CLNK: variants seen among roughly 807,000 people sequenced by gnomAD.
CLNK encodes the protein cytokine dependent hematopoietic cell linker, also known as cytokine-dependent hematopoietic cell linker.
A neutral mutation model predicts 68.6 loss-of-function variants in CLNK; 74 were observed. That is an observed-to-expected ratio of 1.08 (90% CI 0.89 to 1.31). The LOEUF is 1.31. CLNK is among the 50% of genes most tolerant of loss of function. The pLI is 0.00. For missense variants in CLNK, 553 were observed against 515.3 expected (o/e 1.07, Z -0.71); for synonymous variants, 198 against 172.2 (o/e 1.15, Z -1.17).
In CLNK at chr4:10,520,822, G is replaced by T; in HGVS notation, c.741C>A (p.Phe247Leu). The change falls in exon 15 of 19, where the codon TTC (phenylalanine) becomes TTA (leucine). Residue 247 changes from phenylalanine (F) to leucine (L), a missense_variant. Coordinates refer to ENST00000226951, the MANE Select transcript of CLNK (RefSeq NM_052964.4). The part of the protein sequence containing the change: ...EIPLAISSSS[F>L]TTSNHSVQNR... ...TTTGCACACTGTGGTTGCTTGTCGT[G>T]AATGAAGAACTATAAGAAAATATGT... 6.2e-7 allele frequency: 1 copy of T among 1,605,122 alleles called. No individual in the cohort carries two copies.
upstream of CLNK, among the ~76,000 whole-genome samples, chr4:10,688,580 A>G (rs1430553082): frequency 6.6e-6 from 1 of 152,152 alleles, no homozygotes; most frequent in Non-Finnish European, 1.5e-5. Context: ...CTAATTGGAT[A>G]AATGTAGATG....
intron 4 of CLNK, among the ~76,000 whole-genome samples, chr4:10,581,616 T>C (rs1008412337): frequency 1.3e-5 from 2 of 151,866 alleles, no homozygotes; most frequent in Non-Finnish European, 2.9e-5. Flanking sequence ...TAAAATATAG[T>C]AATACAATCT....
intron 2 of CLNK, among the ~76,000 whole-genome samples, chr4:10,651,351 T>C (rs1365778431): frequency 1.3e-5 from 2 of 152,170 alleles, no homozygotes; most frequent in Non-Finnish European, 2.9e-5. Flanking sequence ...ATACATACCA[T>C]GGAATACTGT....
intron 2 of CLNK, among the ~76,000 whole-genome samples, chr4:10,606,178 T>G (rs1430577825): frequency 6.6e-6 from 1 of 152,248 alleles, no homozygotes; most frequent in East Asian, 1.9e-4. Flanking sequence ...TGTAAACATT[T>G]AATTTTAAAC....
chr4:10,660,742 C>T lies in CLNK; in HGVS notation c.11+7117G>A, dbSNP rs369441704. On this transcript the variant is annotated intron_variant, in intron 2 of 18. Coordinates refer to ENST00000226951, the MANE Select transcript of CLNK (RefSeq NM_052964.4). ...TAAGAGAGAGAGAAGACTATCTTGA[C>T]ATCCTCTATTCCCTCATCACCGACC... Among the ~76,000 whole-genome samples, 98 of 152,338 alleles carry T rather than the reference C, an allele frequency of 6.4e-4. 1 individual carries two copies. Among genetic ancestry groups the T allele is most frequent in the African/African-American group, 2.2e-3 (91 of 41,580 alleles).
At chr4:10,583,379 C>T (rs991866333) in intron 4 of CLNK, among the ~76,000 whole-genome samples, 13 of 152,186 alleles carry the variant, frequency 8.5e-5, no homozygotes, top group African/African-American at 2.2e-4. Context: ...CTCCATCTCC[C>T]GGGTTCAAGT....
At chr4:10,659,677 G>C (rs897714677) in intron 2 of CLNK, among the ~76,000 whole-genome samples, 3 of 152,120 alleles carry the variant, frequency 2.0e-5, no homozygotes, top group Non-Finnish European at 4.4e-5. Context: ...AACCAAGCTG[G>C]AGGCAACTGA....
intron 3 of CLNK, among the ~76,000 whole-genome samples, chr4:10,588,714 G>A (rs1450999251): frequency 6.6e-6 from 1 of 152,072 alleles, no homozygotes; most frequent in Non-Finnish European, 1.5e-5. Flanking sequence ...TTGGATATAA[G>A]TATATACTTG....
chr4:10,516,751 A>G (rs1345344674), intron 15 of CLNK, among the ~76,000 whole-genome samples: 2 of 152,138 alleles, frequency 1.3e-5, no homozygotes, highest in African/African-American at 4.8e-5. Context: ...GGGTTTTGCA[A>G]TGCTAGCCAG....
intron 5 of CLNK, among the ~76,000 whole-genome samples, chr4:10,566,928 C>A (rs1357296800): frequency 6.6e-6 from 1 of 151,906 alleles, no homozygotes; most frequent in African/African-American, 2.4e-5. Context: ...ACACTGAAAA[C>A]TGCAAAAACA....
intron 18 of CLNK, among the ~76,000 whole-genome samples, chr4:10,498,220 T>A (rs535066513): frequency 1.4e-5 from 2 of 146,322 alleles, no homozygotes; most frequent in Non-Finnish European, 1.5e-5. Context: ...AGCTGGGTGC[T>A]GTGGCTCACG....
At chr4:10,597,841 C>G in intron 3 of CLNK, 137 bp downstream of exon 3, 1 of 643,672 alleles carries the variant, frequency 1.6e-6, no homozygotes, top group Non-Finnish European at 2.7e-6. Context: ...TCTCCTGCAC[C>G]TTGGTCTCTG....
intron 14 of CLNK, chr4:10,523,970 A>T (rs1423337277): frequency 7.8e-6 from 3 of 383,576 alleles, no homozygotes; most frequent in East Asian, 2.0e-4. Context: ...GGCTGCATTG[A>T]GATGTGATTG....
intron 15 of CLNK, among the ~76,000 whole-genome samples, chr4:10,514,671 C>T (rs1322235381): frequency 3.3e-5 from 5 of 150,936 alleles, no homozygotes; most frequent in Non-Finnish European, 7.4e-5. Flanking sequence ...TAGGCATTAC[C>T]ATTCAGGACA....
At chr4:10,664,825 G>A (rs1724327502) in intron 2 of CLNK, among the ~76,000 whole-genome samples, 1 of 152,216 alleles carries the variant, frequency 6.6e-6, no homozygotes, top group African/African-American at 2.4e-5. Context: ...GTGTACTAGG[G>A]CATCTTACCT....
intron 18 of CLNK, among the ~76,000 whole-genome samples, chr4:10,499,230 A>G (rs1716934462): frequency 6.6e-6 from 1 of 152,142 alleles, no homozygotes; most frequent in South Asian, 2.1e-4. Flanking sequence ...ACCCCAGCCA[A>G]TGGGGAAAGG....
chr4:10,528,136 G>C (rs950111714), intron 12 of CLNK, 42 bp from the exon 13 acceptor site: 10 of 1,085,922 alleles, frequency 9.2e-6, no homozygotes, highest in Non-Finnish European at 1.2e-5. Flanking sequence ...GACTCTTGAT[G>C]ACAGAGAATT....
At chr4:10,495,795 A>C (rs967785536) in intron 18 of CLNK, among the ~76,000 whole-genome samples, 6 of 149,558 alleles carry the variant, frequency 4.0e-5, no homozygotes, top group Non-Finnish European at 5.9e-5. Flanking sequence ...GACCATAGAG[A>C]GAGCGATGAG....
At chr4:10,725,786 C>T in the CLNK span, among the ~76,000 whole-genome samples, 2 of 151,238 alleles carry the variant, frequency 1.3e-5, no homozygotes, top group Admixed American at 6.6e-5. Context: ...ACCCGGGAGG[C>T]GGACCTTGCA....
Sources: allele counts gnomAD v4.1 joint callset (sites outside exome capture counted in the v4.1 genomes callset), GRCh38; gene constraint gnomAD v4.1.1; transcripts MANE v1.5; gene names NCBI Gene and HGNC (gene_info 2026-07-23, HGNC 2026-07-21).